Variants in OR3A2 observed in about 807,000 individuals in gnomAD.
The protein encoded by OR3A2 is olfactory receptor 3A2.
For synonymous variants in OR3A2, 126 were observed against 159.3 expected (o/e 0.79, Z 1.57); for missense variants, 318 against 392.8 (o/e 0.81, Z 1.61).
At chr17:3,356,448 G>A (rs947939080) in intron 2 of OR3A2, among the ~76,000 whole-genome samples, 3 of 151,406 alleles carry the variant, frequency 2.0e-5, no homozygotes, top group African/African-American at 7.3e-5. Context: ...TCTTTTGCTT[G>A]TCTGAGAAGA....
intron 2 of OR3A2, among the ~76,000 whole-genome samples, chr17:3,354,062 A>T (rs1212150663): frequency 6.6e-6 from 1 of 151,714 alleles, no homozygotes; most frequent in East Asian, 1.9e-4. Context: ...TTTTAAATGT[A>T]TTGTTAAATT....
intron 3 of OR3A2, among the ~76,000 whole-genome samples, chr17:3,324,652 C>T (rs1330047233): frequency 6.6e-6 from 1 of 152,100 alleles, no homozygotes; most frequent in Non-Finnish European, 1.5e-5. Flanking sequence ...TGGGTATCAG[C>T]AGTGGTGGCT....
At chr17:3,370,199 C>T (rs534659881) in intron 2 of OR3A2, among the ~76,000 whole-genome samples, 3 of 152,270 alleles carry the variant, frequency 2.0e-5, no homozygotes, top group African/African-American at 7.2e-5. Context: ...CTGTTTCAAT[C>T]TTGCTACTTG....
intron 3 of OR3A2, among the ~76,000 whole-genome samples, chr17:3,319,172 A>G (rs1389089033): frequency 1.3e-5 from 2 of 152,084 alleles, no homozygotes; most frequent in East Asian, 1.9e-4. Flanking sequence ...AAACATTATG[A>G]TTCTACTGTA....
chr17:3,292,745 T>C, intron 3 of OR3A2: 2 of 611,632 alleles, frequency 3.3e-6, no homozygotes, highest in Non-Finnish European at 5.7e-6. Context: ...ACTACACTTG[T>C]TTACTCTGTC....
chr17:3,382,791 T>G (rs1048021921), intron 2 of OR3A2, among the ~76,000 whole-genome samples: 4 of 152,224 alleles, frequency 2.6e-5, no homozygotes, highest in African/African-American at 7.2e-5. Context: ...TTCCACTTAT[T>G]CTTTGGAATC....
At chr17:3,309,030 C>T (rs1468755515) in intron 3 of OR3A2, among the ~76,000 whole-genome samples, 12 of 152,078 alleles carry the variant, frequency 7.9e-5, no homozygotes, top group Non-Finnish European at 1.5e-4. Context: ...CCCAGCCTCC[C>T]GAGTAGCTGG....
chr17:3,332,594 A>T (rs1445768573), intron 3 of OR3A2, among the ~76,000 whole-genome samples: 1 of 152,176 alleles, frequency 6.6e-6, no homozygotes, highest in Non-Finnish European at 1.5e-5. Context: ...ACCTGCGCCC[A>T]CTGTCTGGCA....
At chr17:3,371,756 T>A (rs1272204660) in intron 2 of OR3A2, among the ~76,000 whole-genome samples, 1 of 122,620 alleles carries the variant, frequency 8.2e-6, no homozygotes, top group African/African-American at 3.2e-5. Context: ...ACTCCTCACT[T>A]CCCAGTAGGG....
chr17:3,321,980 G>A (rs540426824), intron 3 of OR3A2, among the ~76,000 whole-genome samples: 1 of 152,058 alleles, frequency 6.6e-6, no homozygotes, highest in Non-Finnish European at 1.5e-5. Context: ...TGTACCTCTG[G>A]TAGAATTCAG....
intron 2 of OR3A2, among the ~76,000 whole-genome samples, chr17:3,361,374 AC>A (rs1941683970): frequency 6.6e-6 from 1 of 151,576 alleles, no homozygotes; most frequent in Admixed American, 6.6e-5. Context: ...GGACAATTTG[AC>A]TTCCTCTTTT....
At chr17:3,328,983 CT>C (rs1397103238) in intron 3 of OR3A2, among the ~76,000 whole-genome samples, 36 of 151,254 alleles carry the variant, frequency 2.4e-4, no homozygotes, top group African/African-American at 8.5e-4. Flanking sequence ...TGGTTTTTGT[CT>C]TTGGCTCTGT....
rs544604976 is a variant in OR3A2 at position 3,304,346 on chromosome 17, C to T, written c.-84-25193G>A. Among the ~76,000 whole-genome samples, 3 of 152,336 alleles carry T rather than the reference C, an allele frequency of 2.0e-5. No individual in the cohort carries two copies. In the South Asian group the frequency reaches 6.2e-4, roughly 32 times the overall value. ...AAGCTCCCTCTTCTCCAGTACTTTC[C>T]CTCACCAATTCGTGCTGCCACAGCC... On this transcript the variant is annotated intron_variant, in intron 3 of 4. Coordinates refer to the OR3A2 transcript ENST00000573491.
At position 3,278,266 on chromosome 17, in the gene OR3A2, T is replaced by G. The variant is rs1480567439; in HGVS notation, c.652A>C (p.Ile218Leu). ...GCTGCCACGTGGCTGTAGGCAGTGA[T>G]GATGAGAACCAAAGGTGTGCCTGCC... Residue 218 changes from isoleucine (I) to leucine (L), a missense_variant, in exon 2 of 2, where the codon ATC becomes CTC. Transcript: ENST00000642052. 1.9e-6 allele frequency: 3 copies of G among 1,614,120 alleles called. No individual in the cohort carries two copies. The Admixed American group carries it at 5.0e-5, about 27-fold the overall frequency.
chr17:3,383,958 A>AT (rs758123655), intron 1 of OR3A2: 26 of 84,042 alleles, frequency 3.1e-4, no homozygotes, highest in Non-Finnish European at 5.0e-4. Context: ...TTGAATAAAT[A>AT]TTGTATACAA....
intron 3 of OR3A2, among the ~76,000 whole-genome samples, chr17:3,317,314 G>A (rs1315149826): frequency 1.3e-5 from 2 of 152,186 alleles, no homozygotes; most frequent in Admixed American, 6.5e-5. Flanking sequence ...TTTAGACTAT[G>A]GTTGTAAAAT....
intron 3 of OR3A2, among the ~76,000 whole-genome samples, chr17:3,297,808 ATTGGGCTGTAGG>A (rs2048931914): frequency 6.6e-6 from 1 of 152,166 alleles, no homozygotes. Context: ...GGAGCATCAG[ATTGGGCTGTAGG>A]AGTTGGGAAA....
At chr17:3,362,023 T>C (rs985894005) in intron 2 of OR3A2, among the ~76,000 whole-genome samples, 2 of 151,710 alleles carry the variant, frequency 1.3e-5, no homozygotes, top group Non-Finnish European at 2.9e-5. Context: ...CTGGTAGAAT[T>C]TGGCTGTGAA....
intron 3 of OR3A2, chr17:3,292,643 C>G: frequency 7.1e-7 from 1 of 1,418,040 alleles, no homozygotes; most frequent in East Asian, 2.3e-5. Flanking sequence ...AATTTATTTA[C>G]TCAAGAAAAA....
Sources: gnomAD v4.1 joint callset for allele counts (sites outside exome capture counted in the v4.1 genomes callset) on GRCh38, gnomAD v4.1.1 for gene constraint, MANE v1.5 for transcripts, NCBI Gene and HGNC (gene_info 2026-07-23, HGNC 2026-07-21) for gene names.